DLC1: variants seen among roughly 807,000 people sequenced by gnomAD.
The protein encoded by DLC1 is DLC1 Rho GTPase activating protein.
In DLC1, 54 loss-of-function variants were observed where a neutral mutation model predicts 140.3. The ratio of observed to expected loss-of-function variants is 0.38; its 90% confidence interval spans 0.31 to 0.48. The LOEUF (loss-of-function observed/expected upper bound fraction) is 0.48, where lower values mean the gene tolerates loss of function less well. Ranked by LOEUF, DLC1 falls within the 20% of genes least tolerant of loss-of-function variation. DLC1 has a pLI of 0.96. For missense variants in DLC1, 2,536 were observed against 1,907.0 expected, an observed-to-expected ratio of 1.33 and a Z score of -6.14; for synonymous variants, 986 against 728.1, an observed-to-expected ratio of 1.35 and a Z score of -5.70.
rs11412815 is a variant in DLC1 at position 13,476,468 on chromosome 8, G to GTTT, written c.1023+22580_1023+22581insAAA. Among the ~76,000 whole-genome samples, 773 of 148,472 alleles carry GTTT rather than the reference G, an allele frequency of 5.2e-3. 2 individuals are homozygous for GTTT. Among genetic ancestry groups the GTTT allele is most frequent in the Middle Eastern group, 0.017 (5 of 286 alleles). On this transcript the variant is annotated intron_variant, in intron 2 of 17. Coordinates refer to ENST00000276297, the MANE Select transcript of DLC1 (RefSeq NM_182643.3). ...CATTTTCACATCCACATACAGTGCA[G>GTTT]TGTTTTTTTTTTTAGTATGGCTAAT...
At chr8:13,501,715 T>C (rs921818613) in intron 1 of DLC1, among the ~76,000 whole-genome samples, 4 of 152,198 alleles carry the variant, frequency 2.6e-5, no homozygotes, top group African/African-American at 7.2e-5. Flanking sequence ...TGGATACTAT[T>C]TGGTTCCCTC....
At chr8:13,402,418 T>G (rs1314571394) in intron 2 of DLC1, among the ~76,000 whole-genome samples, 1 of 152,186 alleles carries the variant, frequency 6.6e-6, no homozygotes, top group East Asian at 1.9e-4. Context: ...AGATTCCCTG[T>G]GTTGTACAAG....
chr8:13,150,050 A>G (rs1468243376), intron 5 of DLC1, among the ~76,000 whole-genome samples: 1 of 152,226 alleles, frequency 6.6e-6, no homozygotes, highest in Non-Finnish European at 1.5e-5. Flanking sequence ...TGTATTGCCC[A>G]TAAAACCGAC....
chr8:13,552,994 T>A (rs1049447661), intron 1 of DLC1, among the ~76,000 whole-genome samples: 2 of 151,440 alleles, frequency 1.3e-5, no homozygotes, highest in African/African-American at 4.8e-5. Context: ...CATTGGTTAA[T>A]CACAGAATTA....
At chr8:13,144,177 T>C (rs1175358942) in intron 5 of DLC1, among the ~76,000 whole-genome samples, 3 of 152,224 alleles carry the variant, frequency 2.0e-5, no homozygotes, top group Non-Finnish European at 4.4e-5. Context: ...AGCACCCAGA[T>C]AGAACACAAG....
intron 4 of DLC1, among the ~76,000 whole-genome samples, chr8:13,350,344 GT>G (rs1353464383): frequency 6.6e-6 from 1 of 151,826 alleles, no homozygotes; most frequent in African/African-American, 2.4e-5. Context: ...TGTGGTTGAA[GT>G]TTTTCTTGTG....
chr8:13,342,476 T>C (rs893622046), intron 4 of DLC1: 3 of 152,224 alleles, frequency 2.0e-5, no homozygotes, highest in African/African-American at 7.2e-5. Flanking sequence ...AGTATTTGAA[T>C]CAGTAGGTTC....
At position 13,304,840 on chromosome 8, in the gene DLC1, T is replaced by C. The variant is rs1832350941; in HGVS notation, c.1348+429A>G. 3 of 982,648 alleles carry C rather than the reference T, an allele frequency of 3.1e-6. No homozygotes were observed. The South Asian group carries it at 1.4e-4, about 46-fold the overall frequency. The allele number at this position is 982,648 out of a possible 1,614,324, so 60.9% of individuals were successfully genotyped here. A position where few individuals can be genotyped will look rare whatever the true frequency, so the allele number is the denominator to read the frequency against. ...TCTTCAATACAATTATTCACATTGC[T>C]TCATCACTATATTTTTGATAGTATG... On this transcript the variant is annotated intron_variant, in intron 5 of 17. Transcript: ENST00000276297.
chr8:13,390,752 C>T (rs1422515171), intron 4 of DLC1, among the ~76,000 whole-genome samples: 1 of 152,102 alleles, frequency 6.6e-6, no homozygotes, highest in Non-Finnish European at 1.5e-5. Context: ...CTTTGGGAGG[C>T]CGAGGCGGGT....
At chr8:13,324,572 C>CAAAAAAA (rs5889431) in intron 4 of DLC1, among the ~76,000 whole-genome samples, 12 of 110,212 alleles carry the variant, frequency 1.1e-4, no homozygotes, top group South Asian at 3.4e-4. Context: ...GACTCCGTCT[C>CAAAAAAA]AAAAAAAAAA....
At chr8:13,105,200 T>C (rs1819459250) in intron 7 of DLC1, among the ~76,000 whole-genome samples, 2 of 152,326 alleles carry the variant, frequency 1.3e-5, no homozygotes, top group South Asian at 2.1e-4. Flanking sequence ...AAGGTCAACA[T>C]TACCTTTTTA....
At chr8:13,479,867 G>GAAGAAGAAGAGAA (rs1563383663) in intron 2 of DLC1, among the ~76,000 whole-genome samples, 1 of 14,026 alleles carries the variant, frequency 7.1e-5, no homozygotes, top group African/African-American at 2.1e-4. Context: ...AAGAGAAAAA[G>GAAGAAGAAGAGAA]AAAGAAAGAA....
chr8:13,353,840 A>G (rs1047193028), intron 4 of DLC1, among the ~76,000 whole-genome samples: 2 of 151,840 alleles, frequency 1.3e-5, no homozygotes, highest in Non-Finnish European at 2.9e-5. Flanking sequence ...CTGGGGGACA[A>G]GAGTGAGACT....
At chr8:13,177,950 A>G (rs543092929) in intron 5 of DLC1, among the ~76,000 whole-genome samples, 232 of 152,292 alleles carry the variant, frequency 1.5e-3, no homozygotes, top group African/African-American at 5.2e-3. Context: ...TGACACTTAA[A>G]CTAAGATTTC....
At chr8:13,141,826 A>G (rs537172839) in intron 5 of DLC1, among the ~76,000 whole-genome samples, 2 of 152,214 alleles carry the variant, frequency 1.3e-5, no homozygotes, top group Non-Finnish European at 2.9e-5. Flanking sequence ...ATTCAGTTGA[A>G]TTAAGCTGGA....
intron 5 of DLC1, among the ~76,000 whole-genome samples, chr8:13,303,528 C>T (rs922252204): frequency 6.6e-6 from 1 of 152,086 alleles, no homozygotes; most frequent in Admixed American, 6.6e-5. Context: ...TATTTTCATG[C>T]CAGGTGCTCA....
At chr8:13,257,217 A>T (rs947927357) in intron 5 of DLC1, among the ~76,000 whole-genome samples, 1 of 89,880 alleles carries the variant, frequency 1.1e-5, no homozygotes, top group Admixed American at 1.0e-4. Context: ...TGCTTATCAT[A>T]AAAAAAAAAG....
chr8:13,104,591 A>G (rs970472350), intron 7 of DLC1, among the ~76,000 whole-genome samples: 4 of 152,108 alleles, frequency 2.6e-5, no homozygotes, highest in Admixed American at 6.5e-5. Flanking sequence ...GCAATTCTAC[A>G]TTTTCATAAG....
At chr8:13,200,000 T>A (rs1403369302) in intron 5 of DLC1, among the ~76,000 whole-genome samples, 1 of 152,166 alleles carries the variant, frequency 6.6e-6, no homozygotes, top group East Asian at 1.9e-4. Context: ...GAGTTAGATG[T>A]ATTAATTCAC....
Sources: gnomAD v4.1 joint callset for allele counts (sites outside exome capture counted in the v4.1 genomes callset) on GRCh38, gnomAD v4.1.1 for gene constraint, MANE v1.5 for transcripts, NCBI Gene and HGNC (gene_info 2026-07-23, HGNC 2026-07-21) for gene names.